The following MALT1 variants were observed in gnomAD, a reference collection of about 807,000 sequenced individuals.
The protein encoded by MALT1 is MALT1 paracaspase, also known as mucosa-associated lymphoid tissue lymphoma translocation protein 1.
MALT1 carries 36 observed loss-of-function variants against 85.5 expected under a neutral mutation model. The ratio of observed to expected loss-of-function variants is 0.42; its 90% CI spans 0.32 to 0.56. MALT1 has a LOEUF of 0.56. Among genes scored for constraint, MALT1 ranks in the 20% least tolerant of loss-of-function variants. MALT1 has a pLI of 0.10. For missense variants in MALT1, 716 were observed against 981.6 expected, an observed-to-expected ratio of 0.73 and a Z score of 3.62; for synonymous variants, 359 against 361.3, an observed-to-expected ratio of 0.99 and a Z score of 0.07.
intron 14 of MALT1, among the ~76,000 whole-genome samples, chr18:58,742,388 A>G (rs961486988): frequency 6.6e-6 from 1 of 152,226 alleles, no homozygotes; most frequent in Non-Finnish European, 1.5e-5. Flanking sequence ...TGAACATGTT[A>G]TCTATAACAT....
At chr18:58,677,488 C>T (rs533265732) in intron 1 of MALT1, 9 of 152,232 alleles carry the variant, frequency 5.9e-5, no homozygotes, top group African/African-American at 1.9e-4. Flanking sequence ...AATTAGTAAT[C>T]CTTGTATTGT....
At chr18:58,683,142 T>C (rs2054347499) in intron 2 of MALT1, among the ~76,000 whole-genome samples, 2 of 152,210 alleles carry the variant, frequency 1.3e-5, no homozygotes, top group South Asian at 2.1e-4. Flanking sequence ...ATTTGAAATC[T>C]ACTAGTCTAG....
intron 13 of MALT1, among the ~76,000 whole-genome samples, chr18:58,739,334 GTATCAGTGT>G (rs2055269455): frequency 6.6e-6 from 1 of 152,038 alleles, no homozygotes; most frequent in South Asian, 2.1e-4. Flanking sequence ...GTATTTAGTG[GTATCAGTGT>G]TATCAGTATC....
chr18:58,739,645 C>T (rs1190255524), intron 13 of MALT1, among the ~76,000 whole-genome samples: 5 of 152,236 alleles, frequency 3.3e-5, no homozygotes, highest in Non-Finnish European at 7.3e-5. Context: ...TGACCTCCCA[C>T]AAGCATGGAG....
In MALT1 at chr18:58,684,726, G is replaced by A. The variant is rs567251362; in HGVS notation, c.376+3390G>A. 2.6e-5 allele frequency among the ~76,000 whole-genome samples: 4 copies of A among 152,186 alleles called. No homozygotes were observed. The South Asian group carries it at 8.3e-4, about 32-fold the overall frequency. ...CTCCCAAAGTGCTGGGATTACAGGC[G>A]TGAGCCACTGCGCCCAGCCAACTTA... On this transcript the variant is annotated intron_variant, in intron 2 of 16. Coordinates refer to ENST00000649217, the MANE Select transcript of MALT1 (RefSeq NM_006785.4).
chr18:58,705,289 C>CGTGT (rs59890170), intron 4 of MALT1, among the ~76,000 whole-genome samples: 42,744 of 146,808 alleles, frequency 0.29, 7,271 homozygotes, highest in South Asian at 0.39. Flanking sequence ...TGTAAAAGTA[C>CGTGT]GTGTGTGTGT....
At chr18:58,743,808 T>G (rs1276453532) in intron 14 of MALT1, among the ~76,000 whole-genome samples, 1 of 152,210 alleles carries the variant, frequency 6.6e-6, no homozygotes, top group East Asian at 1.9e-4. Context: ...AATACTCTGT[T>G]TTGGACATGT....
At chr18:58,706,059 C>T (rs2054747245) in intron 4 of MALT1, among the ~76,000 whole-genome samples, 1 of 152,212 alleles carries the variant, frequency 6.6e-6, no homozygotes, top group African/African-American at 2.4e-5. Context: ...GATCTCGGCT[C>T]ACTGCAAGCT....
chr18:58,711,930 C>T (rs2054836417), intron 7 of MALT1, among the ~76,000 whole-genome samples: 1 of 152,130 alleles, frequency 6.6e-6, no homozygotes, highest in African/African-American at 2.4e-5. Flanking sequence ...AAATCCTAAT[C>T]GAACTCCTCT....
At chr18:58,684,079 C>T (rs537047225) in intron 2 of MALT1, among the ~76,000 whole-genome samples, 3 of 152,122 alleles carry the variant, frequency 2.0e-5, no homozygotes, top group Admixed American at 6.5e-5. Flanking sequence ...ACTACAAGCA[C>T]GCACCACCAT....
intron 13 of MALT1, among the ~76,000 whole-genome samples, chr18:58,737,333 T>G (rs962972341): frequency 2.6e-5 from 4 of 152,004 alleles, no homozygotes; most frequent in Non-Finnish European, 4.4e-5. Flanking sequence ...ATTTAAAAAA[T>G]TAGCCAGGCA....
chr18:58,719,816 C>T lies in MALT1; in HGVS notation c.1019-3232C>T, dbSNP rs113676848. Among the ~76,000 whole-genome samples the T allele has an allele frequency of 7.2e-3, 1,091 of 152,332 alleles. 15 individuals are homozygous for T. Among genetic ancestry groups the T allele is most frequent in the African/African-American group, 0.025 (1,040 of 41,576 alleles). ...CAATACTGAGCTGCCTGTTCCTCAC[C>T]CACACCATCAAACTGGGACTTTATT... On this transcript the variant is annotated intron_variant, in intron 9 of 16. Transcript: ENST00000649217.
chr18:58,741,938 A>C lies in MALT1; in HGVS notation c.1677A>C (p.Ala559=), dbSNP rs199502658. 9 of 1,573,890 alleles carry C rather than the reference A, an allele frequency of 5.7e-6. No individual in the cohort carries two copies. The highest frequency in any genetic ancestry group is 7.8e-6 in the Non-Finnish European group (9 of 1,150,588). The change falls in exon 14 of 17, where the codon GCA becomes GCC. Residue 559 remains alanine (A), a synonymous_variant. Coordinates refer to ENST00000649217, the MANE Select transcript of MALT1 (RefSeq NM_006785.4). The part of the protein sequence containing the change: ...EIRSSLSEKR[A]LTDPIQGTEY... Reference sequence around the variant, plus strand: ...GAAGTAGTTTATCTGAGAAGAGAGCACTTACTGATCCAATACAGGGAACAG... The same window carrying C: ...GAAGTAGTTTATCTGAGAAGAGAGCCCTTACTGATCCAATACAGGGAACAG...
At chr18:58,746,623 GTTAGCCCA>G (rs568178276) in intron 16 of MALT1, among the ~76,000 whole-genome samples, 217 of 152,186 alleles carry the variant, frequency 1.4e-3, no homozygotes, top group African/African-American at 4.8e-3. Context: ...CTCTTAAAAA[GTTAGCCCA>G]TTATCTGATT....
rs550670187 is a variant in MALT1 at position 58,730,958 on chromosome 18, C to CT, written c.1223-2429dup. Reference sequence around the variant, plus strand: ...CCTATTTTTAAATCAAGTCATTAGTCTTTTTTTTTTGAGATGGAGTCTTGC... The same window carrying CT: ...CCTATTTTTAAATCAAGTCATTAGTCTTTTTTTTTTTGAGATGGAGTCTTGC... On this transcript the variant is annotated intron_variant, in intron 10 of 16. Coordinates refer to ENST00000649217, the MANE Select transcript of MALT1 (RefSeq NM_006785.4). Among the ~76,000 whole-genome samples the CT allele has an allele frequency of 7.6e-3, 1,130 of 149,446 alleles. 12 individuals are homozygous for CT. Among genetic ancestry groups the CT allele is most frequent in the Middle Eastern group, 0.01 (3 of 288 alleles).
chr18:58,743,221 A>G (rs2055325449), intron 14 of MALT1, among the ~76,000 whole-genome samples: 1 of 152,122 alleles, frequency 6.6e-6, no homozygotes, highest in African/African-American at 2.4e-5. Context: ...CTAAAAATAC[A>G]AAAAATTAGC....
At chr18:58,747,319 G>T (rs752554986) in intron 16 of MALT1, 86 bp from the exon 17 acceptor site, 2 of 823,722 alleles carry the variant, frequency 2.4e-6, no homozygotes, top group Non-Finnish European at 2.0e-6. Flanking sequence ...ATTTTTGGGG[G>T]TGGGGGTGTG....
At chr18:58,746,686 A>C (rs1278258890) in intron 16 of MALT1, among the ~76,000 whole-genome samples, 11 of 152,146 alleles carry the variant, frequency 7.2e-5, no homozygotes, top group Admixed American at 7.2e-4. Context: ...ATAATATTTT[A>C]AAAACAGCTT....
In MALT1 at chr18:58,700,409, G is replaced by C. The variant is rs72960725; in HGVS notation, c.499-32G>C. 6,758 of 1,545,714 alleles carry C rather than the reference G, an allele frequency of 4.4e-3. 23 individuals are homozygous for C. The highest frequency in any genetic ancestry group is 5.0e-3 in the Non-Finnish European group (5,786 of 1,146,928). On this transcript the variant is annotated intron_variant, in intron 3 of 16. Transcript: ENST00000649217. Reference sequence around the variant, plus strand: ...ATTTTATAAGGTGTGTTTTTGATGAGTCATCCACTTCTCTTATTGATTCTT... The same window carrying C: ...ATTTTATAAGGTGTGTTTTTGATGACTCATCCACTTCTCTTATTGATTCTT...
Sources: allele counts gnomAD v4.1 joint callset (sites outside exome capture counted in the v4.1 genomes callset), GRCh38; gene constraint gnomAD v4.1.1; transcripts MANE v1.5; gene names NCBI Gene and HGNC (gene_info 2026-07-23, HGNC 2026-07-21).